The following TAFA2 variants were observed in gnomAD, a reference collection of about 807,000 sequenced individuals.
TAFA2 encodes the protein chemokine-like protein TAFA-2.
TAFA2 carries 7 observed loss-of-function variants against 18.8 expected under a neutral mutation model. That is an observed-to-expected ratio of 0.37 (90% confidence interval 0.21 to 0.70). The LOEUF (loss-of-function observed/expected upper bound fraction) is 0.70. Among genes scored for constraint, TAFA2 ranks in the 30% least tolerant of loss-of-function variants. The pLI is 0.53. For missense variants in TAFA2, 122 were observed against 158.1 expected (o/e 0.77, Z 1.23); for synonymous variants, 60 against 54.2 (o/e 1.11, Z -0.47).
At chr12:62,122,859 T>A (rs1327837903) in intron 1 of TAFA2, among the ~76,000 whole-genome samples, 1 of 152,146 alleles carries the variant, frequency 6.6e-6, no homozygotes, top group Non-Finnish European at 1.5e-5. Context: ...AATCCCACAC[T>A]GTGACCTGCA....
chr12:61,871,951 G>C (rs1874623005), intron 1 of TAFA2, among the ~76,000 whole-genome samples: 1 of 152,132 alleles, frequency 6.6e-6, no homozygotes, highest in Admixed American at 6.5e-5. Flanking sequence ...AATTAGCCAG[G>C]CGTGGTGGCG....
intron 2 of TAFA2, among the ~76,000 whole-genome samples, chr12:61,858,776 G>T (rs1486904260): frequency 6.6e-6 from 1 of 151,932 alleles, no homozygotes; most frequent in Non-Finnish European, 1.5e-5. Flanking sequence ...GAGGAATTTT[G>T]TAAGTGTGAA....
intron 1 of TAFA2, among the ~76,000 whole-genome samples, chr12:62,160,841 C>T (rs1285300006): frequency 1.3e-5 from 2 of 152,062 alleles, no homozygotes; most frequent in Non-Finnish European, 2.9e-5. Flanking sequence ...GTTTGCCCTG[C>T]GATGGTCTGG....
intron 1 of TAFA2, among the ~76,000 whole-genome samples, chr12:62,144,158 G>T (rs1458558667): frequency 6.6e-6 from 1 of 150,994 alleles, no homozygotes; most frequent in Admixed American, 6.6e-5. Context: ...TGTGACTATT[G>T]CCTCTTGTTC....
chr12:61,943,648 G>C (rs901180175), intron 1 of TAFA2, among the ~76,000 whole-genome samples: 4 of 152,120 alleles, frequency 2.6e-5, no homozygotes, highest in Non-Finnish European at 5.9e-5. Context: ...GGCAGGGATT[G>C]CAATCCGAGT....
chr12:62,169,840 G>A (rs1488114356), intron 1 of TAFA2, among the ~76,000 whole-genome samples: 2 of 119,226 alleles, frequency 1.7e-5, no homozygotes, highest in African/African-American at 6.8e-5. Flanking sequence ...GACAGGGCGA[G>A]ACTCCGTCTC....
At chr12:62,074,827 G>C (rs1206317263) in intron 1 of TAFA2, among the ~76,000 whole-genome samples, 3 of 150,404 alleles carry the variant, frequency 2.0e-5, no homozygotes, top group African/African-American at 7.4e-5. Context: ...TCAGCCTCCC[G>C]AGTAGCTGGG....
chr12:62,108,417 C>A (rs1869562462), intron 1 of TAFA2, among the ~76,000 whole-genome samples: 1 of 152,170 alleles, frequency 6.6e-6, no homozygotes, highest in Non-Finnish European at 1.5e-5. Context: ...GGTCCCAAGT[C>A]TTTGCTATTG....
intron 1 of TAFA2, among the ~76,000 whole-genome samples, chr12:61,975,679 T>C (rs1335098393): frequency 6.6e-6 from 1 of 151,828 alleles, no homozygotes; most frequent in African/African-American, 2.4e-5. Context: ...GGTGCAATTC[T>C]ACTTATTGTA....
At chr12:61,804,822 C>A (rs999273966) in intron 2 of TAFA2, among the ~76,000 whole-genome samples, 1 of 151,990 alleles carries the variant, frequency 6.6e-6, no homozygotes, top group African/African-American at 2.4e-5. Flanking sequence ...GTAAGGCACA[C>A]AGAAGTTAGG....
At chr12:62,150,495 A>G (rs2062320605) in intron 1 of TAFA2, among the ~76,000 whole-genome samples, 1 of 152,186 alleles carries the variant, frequency 6.6e-6, no homozygotes, top group Admixed American at 6.5e-5. Flanking sequence ...CATCCTACAC[A>G]CAATCATCTG....
chr12:61,748,631 G>C (rs1020761393), intron 4 of TAFA2, among the ~76,000 whole-genome samples: 11 of 152,058 alleles, frequency 7.2e-5, no homozygotes, highest in African/African-American at 2.7e-4. Context: ...CTGAGATTTG[G>C]TATGAAATCC....
At position 61,807,007 on chromosome 12, in the gene TAFA2, A is replaced by C. The variant is rs374273771; in HGVS notation, c.107-51983T>G. 3.3e-5 allele frequency among the ~76,000 whole-genome samples: 5 copies of C among 152,012 alleles called. No homozygotes were observed. The East Asian group carries it at 9.6e-4, about 29-fold the overall frequency. On this transcript the variant is annotated intron_variant, in intron 2 of 4. Transcript: ENST00000416284. ...ATAGAAAAGAAAATCCCATTCTCTG[A>C]GGAGAAATTCAAGCCAGCTGCAGAA...
intron 2 of TAFA2, among the ~76,000 whole-genome samples, chr12:61,822,245 G>A (rs11615526): frequency 0.17 from 25,449 of 152,034 alleles, 2,668 homozygotes; most frequent in South Asian, 0.29. Flanking sequence ...TTGAGAAGTA[G>A]TTCTCTCACG....
chr12:62,142,556 T>C (rs1194898777), intron 1 of TAFA2, among the ~76,000 whole-genome samples: 2 of 152,192 alleles, frequency 1.3e-5, no homozygotes, highest in Non-Finnish European at 2.9e-5. Context: ...CATGCATGAC[T>C]ACCCAATATT....
chr12:62,121,329 T>C (rs1482961016), intron 1 of TAFA2, among the ~76,000 whole-genome samples: 1 of 152,144 alleles, frequency 6.6e-6, no homozygotes, highest in Non-Finnish European at 1.5e-5. Context: ...AAAAGTATAG[T>C]GCCACAAAAA....
intron 4 of TAFA2, among the ~76,000 whole-genome samples, chr12:61,748,118 G>A (rs975737596): frequency 6.6e-6 from 1 of 151,706 alleles, no homozygotes; most frequent in Admixed American, 6.6e-5. Context: ...TTATGAGGTT[G>A]AGATCATCAG....
intron 1 of TAFA2, among the ~76,000 whole-genome samples, chr12:61,981,258 G>A (rs1256867710): frequency 6.6e-6 from 1 of 152,176 alleles, no homozygotes; most frequent in Non-Finnish European, 1.5e-5. Flanking sequence ...CTAGCTATAT[G>A]TAGAAAGCTG....
chr12:61,828,975 C>G (rs549746220), intron 2 of TAFA2, among the ~76,000 whole-genome samples: 135 of 151,798 alleles, frequency 8.9e-4, no homozygotes, highest in African/African-American at 2.9e-3. Context: ...TCCACATAGA[C>G]AGTATGACCT....
Sources: gnomAD v4.1 joint callset for allele counts (sites outside exome capture counted in the v4.1 genomes callset) on GRCh38, gnomAD v4.1.1 for gene constraint, MANE v1.5 for transcripts, NCBI Gene and HGNC (gene_info 2026-07-23, HGNC 2026-07-21) for gene names.